The following KRT32 variants were observed in gnomAD, a reference collection of about 807,000 sequenced individuals.
KRT32 encodes keratin 32.
In KRT32, 44 loss-of-function variants were observed where a neutral mutation model predicts 41.8. That is an observed-to-expected ratio of 1.05 (90% confidence interval 0.83 to 1.35). The LOEUF (loss-of-function observed/expected upper bound fraction) is 1.35, where lower values mean the gene tolerates loss of function less well. Among genes scored for constraint, KRT32 ranks in the 40% most tolerant of loss-of-function variants. KRT32 has a pLI of 0.00. For synonymous variants in KRT32, 238 were observed against 242.5 expected (o/e 0.98, Z 0.17); for missense variants, 576 against 584.6 (o/e 0.99, Z 0.15).
rs1394676990 is a variant in KRT32 at position 41,460,200 on chromosome 17, G to T, written c.1257C>A (p.Thr419=). Residue 419 remains threonine, a synonymous_variant, in exon 7 of 7, where the codon ACC becomes ACA. Transcript: ENST00000225899. The stretch of plus-strand genomic sequence containing the variant: ...GGGGCACGCATGGGGAGGGCACACA[G>T]GTGGTGCAGGAAGGAGTGGAGCATG... The part of the protein sequence containing the change: ...CNPCSTPSCT[T]CVPSPCVPRT... The T allele has an allele frequency of 6.2e-7, 1 of 1,610,448 alleles. No homozygotes were observed. The highest frequency in any genetic ancestry group is 1.3e-5 in the African/African-American group (1 of 74,868).
In KRT32 at chr17:41,460,211, A is replaced by T. The variant is rs1263691235; in HGVS notation, c.1246T>A (p.Ser416Thr). 1 of 1,608,422 alleles carries T rather than the reference A, an allele frequency of 6.2e-7. No homozygotes were observed. The highest frequency in any genetic ancestry group is 8.5e-7 in the Non-Finnish European group (1 of 1,177,310). Residue 416 changes from serine to threonine, a missense_variant, in exon 7 of 7, where the codon TCC (serine) becomes ACC (threonine). Coordinates refer to ENST00000225899, the MANE Select transcript of KRT32 (RefSeq NM_002278.3). ...KLPCNPCSTPSCTTCVPSPCV... is the reference protein window; with the variant it reads ...KLPCNPCSTPTCTTCVPSPCV... ...GGGGAGGGCACACAGGTGGTGCAGG[A>T]AGGAGTGGAGCATGGGTTACAGGGC... is the stretch of plus-strand genomic sequence containing the variant.
rs201581089 is a variant in KRT32 at position 41,464,144 on chromosome 17, T to C, written c.930A>G (p.Ser310=). The C allele has an allele frequency of 9.3e-6, 15 of 1,613,396 alleles. No individual in the cohort carries two copies. In the East Asian group the frequency reaches 1.6e-4, roughly 17 times the overall value. ...TSSEQLQNYQ[S]DIIDLRRTVN... is the part of the protein sequence containing the mutation. The stretch of plus-strand genomic sequence containing the variant: ...CCGTGCGTCTCAGGTCAATGATGTC[T>C]GACTGGTAGTTCTGAAGCTGCTCAG... The change falls in exon 5 of 7, where the codon TCA becomes TCG. Residue 310 remains serine, a synonymous_variant. Coordinates refer to ENST00000225899, the MANE Select transcript of KRT32 (RefSeq NM_002278.3).
chr17:41,466,797 GGAAT>G, intron 1 of KRT32, 57 bp downstream of exon 1: 1 of 1,229,432 alleles, frequency 8.1e-7, no homozygotes, highest in Non-Finnish European at 1.2e-6. Flanking sequence ...ATTCCAATCT[GGAAT>G]GCCAGCTAGT....
intron 5 of KRT32, 79 bp from the exon 6 acceptor site, chr17:41,463,129 A>G: frequency 7.2e-7 from 1 of 1,391,030 alleles, no homozygotes; most frequent in South Asian, 1.3e-5. Context: ...AGAAGAGCCA[A>G]ATCTCCCTTT....
chr17:41,465,652 A>G (rs2019057752), intron 3 of KRT32, 121 bp downstream of exon 3: 18 of 1,007,588 alleles, frequency 1.8e-5, no homozygotes, highest in Non-Finnish European at 2.5e-5. Flanking sequence ...TAAATTGGGC[A>G]AAGTCACTAA....
At position 41,464,382 on chromosome 17, in the gene KRT32, G is replaced by T. The variant is rs1258188693; in HGVS notation, c.770C>A (p.Pro257His). 1.2e-6 allele frequency: 2 copies of T among 1,609,718 alleles called. No individual in the cohort carries two copies. Among genetic ancestry groups the T allele is most frequent in the East Asian group, 4.5e-5 (2 of 44,628 alleles). The change falls in exon 4 of 7, where the codon CCC (proline) becomes CAC (histidine). Residue 257 changes from proline (P) to histidine (H), a missense_variant. Pro to His is a moderately conservative substitution (Grantham distance 77). Coordinates refer to ENST00000225899, the MANE Select transcript of KRT32 (RefSeq NM_002278.3). ...CAGCACCCTGGTCAGGTCCACCGGGGGTGCAGCGTCCACCTCGATGTTAAG... is the reference window on the plus strand; with the variant it reads ...CAGCACCCTGGTCAGGTCCACCGGGTGTGCAGCGTCCACCTCGATGTTAAG... ...DRLNIEVDAA[P>H]PVDLTRVLEE...
chr17:41,463,936 C>A, intron 5 of KRT32, 142 bp downstream of exon 5: 2 of 815,428 alleles, frequency 2.5e-6, no homozygotes, highest in South Asian at 6.7e-5. Context: ...TCGGGAGAAA[C>A]CTCCCTCCGG....
intron 5 of KRT32, 76 bp from the exon 6 acceptor site, chr17:41,463,126 C>T: frequency 7.2e-7 from 1 of 1,395,066 alleles, no homozygotes. Context: ...CCAAGAAGAG[C>T]CAAATCTCCC....
chr17:41,463,715 A>AG (rs1368019753), intron 5 of KRT32, among the ~76,000 whole-genome samples: 1 of 151,676 alleles, frequency 6.6e-6, no homozygotes, highest in Non-Finnish European at 1.5e-5. Flanking sequence ...TCAAAAAAAA[A>AG]AAAATAGCTG....
chr17:41,463,123 G>A (rs2019024184), intron 5 of KRT32, 73 bp from the exon 6 acceptor site: 9 of 1,421,984 alleles, frequency 6.3e-6, no homozygotes, highest in Non-Finnish European at 8.7e-6. Flanking sequence ...GAACCAAGAA[G>A]AGCCAAATCT....
chr17:41,460,147 C>T lies in KRT32; in HGVS notation c.1310G>A (p.Gly437Asp), dbSNP rs1327544026. 1 of 1,613,196 alleles carries T rather than the reference C, an allele frequency of 6.2e-7. No individual in the cohort carries two copies. The highest frequency in any genetic ancestry group is 8.5e-7 in the Non-Finnish European group (1 of 1,179,600). The change falls in exon 7 of 7, where the codon GGC (glycine) becomes GAC (aspartate). Residue 437 changes from glycine (G) to aspartate (D), a missense_variant. Transcript: ENST00000225899. The stretch of plus-strand genomic sequence containing the variant: ...CTGGGGGCAGGGTGAGCAAGGCATG[C>T]CAACAGTGCGTGGCACACAGACGGT... ...PRTVCVPRTV[G>D]MPCSPCPQGR...
rs757343546 is a variant in KRT32, at chr17:41,466,868, A to G, written c.458T>C (p.Leu153Pro). The G allele has an allele frequency of 6.2e-7, 1 of 1,609,034 alleles. No homozygotes were observed. The highest frequency in any genetic ancestry group is 1.7e-5 in the Admixed American group (1 of 59,864). The change falls in exon 1 of 7, where the codon CTC (leucine) becomes CCC (proline). Residue 153 changes from leucine (L) to proline (P), a missense_variant. Transcript: ENST00000225899. ...CACCGCTGCCCTCACCTTCTGCTGG[A>G]GCTCCTCAATGGTCCTGAAATGAGA... Reference protein sequence around the residue: ...YQSHFRTIEELQQKILCTKAE... With the variant: ...YQSHFRTIEEPQQKILCTKAE...
At chr17:41,461,090 CTTGT>C (rs2018998122) in intron 6 of KRT32, among the ~76,000 whole-genome samples, 1 of 152,130 alleles carries the variant, frequency 6.6e-6, no homozygotes, top group African/African-American at 2.4e-5. Context: ...CATTTCTTCT[CTTGT>C]TTAAGAGCTC....
chr17:41,463,771 A>T (rs1298770802), intron 5 of KRT32, among the ~76,000 whole-genome samples: 1 of 152,130 alleles, frequency 6.6e-6, no homozygotes, highest in Non-Finnish European at 1.5e-5. Context: ...TGGTCCAGAA[A>T]AGAACCTGGG....
In KRT32 at chr17:41,465,789, T is replaced by C. The variant is rs2019059668; in HGVS notation, c.692A>G (p.Lys231Arg). The change falls in exon 3 of 7, where the codon AAA becomes AGA. Residue 231 changes from lysine (K) to arginine (R), a missense_variant. Coordinates refer to ENST00000225899, the MANE Select transcript of KRT32 (RefSeq NM_002278.3). Reference protein sequence around the residue: ...ESLKEELMCLKKNHEEEVGSL... With the variant: ...ESLKEELMCLRKNHEEEVGSL... ...CAGCCTCACCTCCTCATGGTTCTTT[T>C]TGAGGCACATCAGCTCCTCCTTCAG... 1 of 1,611,696 alleles carries C rather than the reference T, an allele frequency of 6.2e-7. No individual in the cohort carries two copies.
Position 41,464,262 on chromosome 17 carries a change from C to A in KRT32, c.870+20G>T. 6.3e-7 allele frequency: 1 copy of A among 1,585,826 alleles called. No individual in the cohort carries two copies. On this transcript the variant is annotated intron_variant, in intron 4 of 6. Transcript: ENST00000225899. ...TTCCTAGGGATATGGAGGAGGCCAT[C>A]CCCACCGTGAGAGGCCCACCTGCAT...
At position 41,459,928 on chromosome 17, in the gene KRT32, A is replaced by G. The variant is rs1027869652; in HGVS notation, c.*182T>C. The G allele has an allele frequency of 1.1e-5, 6 of 557,154 alleles. No individual in the cohort carries two copies. Among genetic ancestry groups the G allele is most frequent in the African/African-American group, 2.0e-5 (1 of 50,992 alleles). 34.5% of individuals were successfully genotyped at this position (557,154 alleles called of 1,614,324 possible). A position where few individuals can be genotyped will look rare whatever the true frequency, so the allele number is the denominator to read the frequency against. On this transcript the variant is annotated 3_prime_UTR_variant, in exon 7 of 7. Coordinates refer to ENST00000225899, the MANE Select transcript of KRT32 (RefSeq NM_002278.3). Reference sequence around the variant, plus strand: ...AGAACAGTTCACCCATGGAAAAAAGAGGCAGTTTTGAAGTGATGAGGGCTT... The same window carrying G: ...AGAACAGTTCACCCATGGAAAAAAGGGGCAGTTTTGAAGTGATGAGGGCTT...
chr17:41,465,534 T>C (rs2071562), intron 3 of KRT32, among the ~76,000 whole-genome samples: 22,047 of 152,152 alleles, frequency 0.14, 1,781 homozygotes, highest in East Asian at 0.28. Context: ...TTCATACCCA[T>C]GCCTTGGGGA....
intron 3 of KRT32, 61 bp downstream of exon 3, chr17:41,465,712 A>C: frequency 1.9e-6 from 3 of 1,556,758 alleles, no homozygotes; most frequent in Non-Finnish European, 2.6e-6. Flanking sequence ...ATCCAACCCC[A>C]TACCCCACGT....
Sources: gnomAD v4.1 joint callset for allele counts (sites outside exome capture counted in the v4.1 genomes callset) on GRCh38, gnomAD v4.1.1 for gene constraint, MANE v1.5 for transcripts, NCBI Gene and HGNC (gene_info 2026-07-23, HGNC 2026-07-21) for gene names.